RAB43: variants seen among roughly 807,000 people sequenced by gnomAD.
RAB43 encodes the protein RAB43, member RAS oncogene family, also known as ras-related protein Rab-43.
In RAB43, 6 loss-of-function variants were observed where a neutral mutation model predicts 18.8. That is an observed-to-expected ratio of 0.32 (90% CI 0.17 to 0.63). The LOEUF (loss-of-function observed/expected upper bound fraction) is 0.63, where lower values mean the gene tolerates loss of function less well. Ranked by LOEUF, RAB43 falls within the 30% of genes least tolerant of loss-of-function variation. The pLI is 0.79. For missense variants in RAB43, 195 were observed against 289.1 expected (o/e 0.67, Z 2.36); for synonymous variants, 103 against 124.1 (o/e 0.83, Z 1.13).
At position 129,115,927 on chromosome 3, in the gene RAB43, C is replaced by T. The variant is rs767890796; in HGVS notation, c.204+5359G>A. ...GAAATCTCACGCCATCCTGCTCCGT[C>T]CCACCTGGGATGTGAATCATACCTT... On this transcript the variant is annotated intron_variant, in intron 1 of 2. Coordinates refer to ENST00000315150, the MANE Select transcript of RAB43 (RefSeq NM_198490.3). 4.2e-4 allele frequency among the ~76,000 whole-genome samples: 64 copies of T among 152,232 alleles called. 1 individual carries two copies. Among genetic ancestry groups the T allele is most frequent in the Non-Finnish European group, 6.9e-4 (47 of 68,052 alleles).
rs1935763665 is a variant in RAB43 at position 129,119,430 on chromosome 3, G to C, written c.204+1856C>G. ...CCACTATGGGGGAGAAATCTGCTTTGGAGTCAGAAAAACTGGGAAAAATAT... is the reference window on the plus strand; with the variant it reads ...CCACTATGGGGGAGAAATCTGCTTTCGAGTCAGAAAAACTGGGAAAAATAT... On this transcript the variant is annotated intron_variant, in intron 1 of 2. Coordinates refer to ENST00000315150, the MANE Select transcript of RAB43 (RefSeq NM_198490.3). Among the ~76,000 whole-genome samples, 5 of 152,140 alleles carry C rather than the reference G, an allele frequency of 3.3e-5. 1 individual carries two copies. In the South Asian group the frequency reaches 1.0e-3, roughly 32 times the overall value.
Position 129,090,145 on chromosome 3 carries a change from T to G in RAB43, c.*951A>C, listed in dbSNP as rs1933550511. ...GGCCAAGGACCGCCAGGGCCTCTCCTTTTTTGTCTGGGAGACTCGATTCCA... is the reference window on the plus strand; with the variant it reads ...GGCCAAGGACCGCCAGGGCCTCTCCGTTTTTGTCTGGGAGACTCGATTCCA... On this transcript the variant is annotated 3_prime_UTR_variant, in exon 3 of 3. Transcript: ENST00000315150. The G allele has an allele frequency of 6.6e-6, 1 of 152,052 alleles. No homozygotes were observed. Among genetic ancestry groups the G allele is most frequent in the Admixed American group, 6.6e-5 (1 of 15,266 alleles). 9.4% of individuals were successfully genotyped at this position (152,052 alleles called of 1,614,324 possible).
chr3:129,091,718 TAA>T (rs1039684456), intron 2 of RAB43, among the ~76,000 whole-genome samples: 8 of 151,924 alleles, frequency 5.3e-5, no homozygotes, highest in African/African-American at 1.9e-4. Flanking sequence ...AATAATTTTT[TAA>T]AAGTCTCTAC....
Position 129,107,363 on chromosome 3 carries a change from GCCTCTGGCCAA to G in RAB43, c.205-12205_205-12195del, listed in dbSNP as rs1423713608. Among the ~76,000 whole-genome samples the G allele has an allele frequency of 6.6e-6, 1 of 152,048 alleles. No homozygotes were observed. Among genetic ancestry groups the G allele is most frequent in the Non-Finnish European group, 1.5e-5 (1 of 68,024 alleles). ...AGGTGCACTGTGGGAAACGACCCTGGCCTCTGGCCAACAAGTCCTGCCTCATCTGCTTGCCA... is the reference window on the plus strand; with the variant it reads ...AGGTGCACTGTGGGAAACGACCCTGGCAAGTCCTGCCTCATCTGCTTGCCA... On this transcript the variant is annotated intron_variant, in intron 1 of 2. Transcript: ENST00000315150. The surrounding 1 kb of genome is among the most constrained non-coding windows in gnomAD (Gnocchi z 4.2).
intron 1 of RAB43, among the ~76,000 whole-genome samples, chr3:129,103,828 G>A (rs1240784094): frequency 6.6e-6 from 1 of 152,208 alleles, no homozygotes; most frequent in Non-Finnish European, 1.5e-5. Context: ...GCCTCCCAAA[G>A]TGCTGGGATT....
chr3:129,105,108 G>T (rs915908796), intron 1 of RAB43, among the ~76,000 whole-genome samples: 1 of 152,176 alleles, frequency 6.6e-6, no homozygotes, highest in East Asian at 1.9e-4. Context: ...TGTGGGACCC[G>T]CTGGCTATCA....
chr3:129,100,941 G>C (rs1174821261), intron 1 of RAB43, among the ~76,000 whole-genome samples: 1 of 152,178 alleles, frequency 6.6e-6, no homozygotes, highest in Non-Finnish European at 1.5e-5. Context: ...CGAGTAGCTG[G>C]GATTACAGGC....
At chr3:129,091,456 T>G (rs1004038017) in intron 2 of RAB43, 110 bp from the exon 3 acceptor site, 4 of 1,336,950 alleles carry the variant, frequency 3.0e-6, no homozygotes, top group Non-Finnish European at 4.1e-6. Flanking sequence ...CCACTATAAA[T>G]GGACACCCCT....
Position 129,121,532 on chromosome 3 carries a change from C to A in RAB43, c.-43G>T. ...AGGGCCGGCGCTCTGGACGCTGGGACCGGCCTGAGCTCACGCAAGCCGCGG... is the reference window on the plus strand; with the variant it reads ...AGGGCCGGCGCTCTGGACGCTGGGAACGGCCTGAGCTCACGCAAGCCGCGG... On this transcript the variant is annotated 5_prime_UTR_variant, in exon 1 of 3. Transcript: ENST00000315150. 1 of 1,500,558 alleles carries A rather than the reference C, an allele frequency of 6.7e-7. No individual in the cohort carries two copies. 93.0% of individuals were successfully genotyped at this position (1,500,558 alleles called of 1,614,324 possible).
intron 1 of RAB43, among the ~76,000 whole-genome samples, chr3:129,112,002 C>T (rs962399393): frequency 3.9e-5 from 6 of 152,128 alleles, no homozygotes; most frequent in Non-Finnish European, 7.4e-5. Flanking sequence ...AATCCTAGCA[C>T]TCCTGGGAGG....
intron 2 of RAB43, among the ~76,000 whole-genome samples, chr3:129,092,922 C>T (rs1312362414): frequency 6.6e-6 from 1 of 151,462 alleles, no homozygotes. Context: ...CGCCACTGCA[C>T]TCCAGTCTGG....
At chr3:129,099,242 C>A (rs895473681) in intron 1 of RAB43, among the ~76,000 whole-genome samples, 1 of 151,290 alleles carries the variant, frequency 6.6e-6, no homozygotes, top group South Asian at 2.1e-4. Context: ...TAGGCGTCCA[C>A]CACCATGCCC....
chr3:129,100,579 C>T (rs2107995484), intron 1 of RAB43, among the ~76,000 whole-genome samples: 1 of 152,314 alleles, frequency 6.6e-6, no homozygotes, highest in East Asian at 1.9e-4. Flanking sequence ...AACAAAATAA[C>T]TACTGATTAA....
At chr3:129,104,720 C>A (rs1934642765) in intron 1 of RAB43, among the ~76,000 whole-genome samples, 1 of 152,198 alleles carries the variant, frequency 6.6e-6, no homozygotes, top group African/African-American at 2.4e-5. Context: ...AGGGATAAGG[C>A]TTCTTTCCTC....
chr3:129,095,235 C>T lies in RAB43; in HGVS notation c.205-66G>A, dbSNP rs940798253. On this transcript the variant is annotated intron_variant, in intron 1 of 2. Coordinates refer to ENST00000315150, the MANE Select transcript of RAB43 (RefSeq NM_198490.3). This position sits in a 1 kb window ranked among gnomAD's most constrained non-coding sequence, Gnocchi z 4.2. ...CTGAACATGGGGACAGGCAGAGTGA[C>T]CCCACAGACCCACACCCAGAGCTGT... 6.4e-7 allele frequency: 1 copy of T among 1,554,876 alleles called. No individual in the cohort carries two copies. The highest frequency in any genetic ancestry group is 8.7e-7 in the Non-Finnish European group (1 of 1,148,722).
At chr3:129,119,979 T>A (rs1226920979) in intron 1 of RAB43, among the ~76,000 whole-genome samples, 1 of 152,172 alleles carries the variant, frequency 6.6e-6, no homozygotes, top group Non-Finnish European at 1.5e-5. Context: ...AGCCCTTCCC[T>A]GGCTACCTGC....
intron 1 of RAB43, among the ~76,000 whole-genome samples, chr3:129,108,118 G>A (rs950642054): frequency 5.9e-5 from 9 of 152,194 alleles, no homozygotes; most frequent in Admixed American, 3.9e-4. Flanking sequence ...CAGCCATGGC[G>A]TTCAAAGCCC....
Position 129,095,868 on chromosome 3 carries a change from A to T in RAB43, c.205-699T>A, listed in dbSNP as rs1934015537. 6.6e-6 allele frequency among the ~76,000 whole-genome samples: 1 copy of T among 152,088 alleles called. No individual in the cohort carries two copies. Among genetic ancestry groups the T allele is most frequent in the African/African-American group, 2.4e-5 (1 of 41,414 alleles). On this transcript the variant is annotated intron_variant, in intron 1 of 2. Transcript: ENST00000315150. This position sits in a 1 kb window ranked among gnomAD's most constrained non-coding sequence, Gnocchi z 4.2. ...GCCCATGGGTGGGAGGAGCTTCCCT[A>T]GTGTCTTTTAGAAGCAGAGTCTGGC...
intron 1 of RAB43, among the ~76,000 whole-genome samples, chr3:129,104,461 A>G (rs1934625696): frequency 6.6e-6 from 1 of 152,224 alleles, no homozygotes; most frequent in Admixed American, 6.5e-5. Context: ...AGAAGCATCT[A>G]CTGGACCCAG....
Sources: allele counts gnomAD v4.1 joint callset (sites outside exome capture counted in the v4.1 genomes callset), GRCh38; gene constraint gnomAD v4.1.1; non-coding constraint Gnocchi (gnomAD v3.1); transcripts MANE v1.5; gene names NCBI Gene and HGNC (gene_info 2026-07-23, HGNC 2026-07-21).